The following SEC14L1 variants were observed in gnomAD, a reference collection of about 807,000 sequenced individuals.
SEC14L1 encodes SEC14-like protein 1.
A neutral mutation model predicts 85.3 loss-of-function variants in SEC14L1; 48 were observed. The ratio of observed to expected loss-of-function variants is 0.56; its 90% CI spans 0.45 to 0.72. SEC14L1 has a LOEUF of 0.72. SEC14L1 is among the 30% of genes least tolerant of loss of function. SEC14L1 has a pLI of 0.00. For missense variants in SEC14L1, 682 were observed against 921.4 expected, an observed-to-expected ratio of 0.74 and a Z score of 3.36; for synonymous variants, 391 against 355.5, an observed-to-expected ratio of 1.10 and a Z score of -1.12.
Position 77,121,253 on chromosome 17 carries a change from C to T in SEC14L1, c.-135-21393C>T, listed in dbSNP as rs183951243. 1.7e-4 allele frequency among the ~76,000 whole-genome samples: 26 copies of T among 152,150 alleles called. No individual in the cohort carries two copies. In the East Asian group the frequency reaches 4.8e-3, roughly 28 times the overall value. ...ACTGCCGACAAAGCAAAGACAACAG[C>T]GGGCAGGGAAAAGAGATGTGGAGAA... On this transcript the variant is annotated intron_variant, in intron 3 of 19. Transcript: ENST00000392476.
intron 3 of SEC14L1, among the ~76,000 whole-genome samples, chr17:77,126,538 G>A (rs1255555503): frequency 6.6e-6 from 1 of 152,142 alleles, no homozygotes; most frequent in Non-Finnish European, 1.5e-5. Flanking sequence ...ATAAACTCAG[G>A]TTGCCAGAAT....
intron 9 of SEC14L1, among the ~76,000 whole-genome samples, chr17:77,201,781 A>G (rs1458930450): frequency 6.6e-6 from 1 of 152,114 alleles, no homozygotes; most frequent in African/African-American, 2.4e-5. Context: ...CGTTGGGAGA[A>G]ACTTTCTGTA....
intron 6 of SEC14L1, among the ~76,000 whole-genome samples, chr17:77,194,324 G>A (rs1975691500): frequency 6.6e-6 from 1 of 152,192 alleles, no homozygotes; most frequent in South Asian, 2.1e-4. Flanking sequence ...GGAGGCTGAG[G>A]TGGACAGATT....
chr17:77,127,350 C>T (rs950544599), intron 3 of SEC14L1, among the ~76,000 whole-genome samples: 1 of 124,886 alleles, frequency 8.0e-6, no homozygotes, highest in Non-Finnish European at 1.6e-5. Flanking sequence ...GGTCTGTTTT[C>T]TTTTCTTTTC....
At chr17:77,176,853 C>T (rs988032426) in intron 3 of SEC14L1, among the ~76,000 whole-genome samples, 2 of 152,120 alleles carry the variant, frequency 1.3e-5, no homozygotes, top group Admixed American at 1.3e-4. Flanking sequence ...TCCCAAAGTG[C>T]TGGGATTACA....
At chr17:77,189,651 T>G (rs1975429239) in intron 3 of SEC14L1, among the ~76,000 whole-genome samples, 1 of 152,220 alleles carries the variant, frequency 6.6e-6, no homozygotes, top group Non-Finnish European at 1.5e-5. Flanking sequence ...TGTTTTGAGA[T>G]GGAATCTCAC....
chr17:77,214,367 A>G lies in SEC14L1; in HGVS notation c.*344A>G. 3 of 1,056,428 alleles carry G rather than the reference A, an allele frequency of 2.8e-6. No individual in the cohort carries two copies. The highest frequency in any genetic ancestry group is 9.2e-4 in the Middle Eastern group (2 of 2,174). The allele number at this position is 1,056,428 out of a possible 1,614,324, so 65.4% of individuals were successfully genotyped here. A position where few individuals can be genotyped will look rare whatever the true frequency, so the allele number is the denominator to read the frequency against. On this transcript the variant is annotated 3_prime_UTR_variant, in exon 17 of 17. Transcript: ENST00000436233. ...AAAAAATTTTTCCAACGAACTCCGC[A>G]TTGTCCATTAGTGAATGAATTCCTG...
intron 3 of SEC14L1, among the ~76,000 whole-genome samples, chr17:77,123,746 G>T (rs1273283277): frequency 1.3e-5 from 2 of 152,016 alleles, no homozygotes; most frequent in Non-Finnish European, 2.9e-5. Context: ...TCCCTGGCAG[G>T]GGGGATGTGT....
intron 7 of SEC14L1, among the ~76,000 whole-genome samples, chr17:77,195,660 A>G (rs893678024): frequency 6.6e-6 from 1 of 151,720 alleles, no homozygotes. Flanking sequence ...ACTAATTTTT[A>G]TATTCCTAGT....
chr17:77,176,278 G>A (rs1015043547), intron 3 of SEC14L1, among the ~76,000 whole-genome samples: 7 of 151,878 alleles, frequency 4.6e-5, no homozygotes, highest in East Asian at 1.9e-4. Flanking sequence ...CAATAAGAGC[G>A]AAACTCAGTC....
rs1976973716 is a variant in SEC14L1 at position 77,215,106 on chromosome 17, CGGT to C, written c.*1086_*1088del. On this transcript the variant is annotated 3_prime_UTR_variant, in exon 17 of 17. Transcript: ENST00000436233. ...GCTGTGTGTGTGCATGTGTGCATGA[CGGT>C]GGGGGTGCTGGGGGGACGGGGTGAG... is the stretch of plus-strand genomic sequence containing the variant. 6.1e-6 allele frequency: 6 copies of C among 985,094 alleles called. No homozygotes were observed. Among genetic ancestry groups the C allele is most frequent in the Admixed American group, 6.2e-5 (1 of 16,196 alleles). The allele number at this position is 985,094 out of a possible 1,614,324, so 61.0% of individuals were successfully genotyped here.
intron 3 of SEC14L1, among the ~76,000 whole-genome samples, chr17:77,116,028 C>T (rs538524155): frequency 6.6e-6 from 1 of 152,098 alleles, no homozygotes; most frequent in Admixed American, 6.6e-5. Context: ...AGGCGATCCT[C>T]CTGCCTCAGC....
At chr17:77,190,757 G>GT (rs746823218) in intron 3 of SEC14L1, 46 bp from the exon 4 acceptor site, 1 of 1,606,682 alleles carries the variant, frequency 6.2e-7, no homozygotes, top group Non-Finnish European at 8.5e-7. Flanking sequence ...AGGACATCAG[G>GT]TTGTGTCTTT....
At position 77,216,606 on chromosome 17, in the gene SEC14L1, C is replaced by A. The variant is rs143012389; in HGVS notation, c.*2583C>A. 1 of 1,613,198 alleles carries A rather than the reference C, an allele frequency of 6.2e-7. No homozygotes were observed. The highest frequency in any genetic ancestry group is 2.2e-5 in the East Asian group (1 of 44,886). ...GCTTCACTCAACAGTCCTCATGTGC[C>A]CAGAGATGTTTATAGAACTGTTTGA... is the stretch of plus-strand genomic sequence containing the variant. On this transcript the variant is annotated 3_prime_UTR_variant, in exon 17 of 17. Coordinates refer to ENST00000436233, the MANE Select transcript of SEC14L1 (RefSeq NM_001143998.2).
chr17:77,207,383 A>G (rs1976518962), intron 13 of SEC14L1, among the ~76,000 whole-genome samples: 1 of 151,494 alleles, frequency 6.6e-6, no homozygotes, highest in South Asian at 2.1e-4. Context: ...GGCGTGCACC[A>G]CCATACCCAG....
chr17:77,190,858 A>C lies in SEC14L1; in HGVS notation c.119A>C (p.Asp40Ala). The change falls in exon 4 of 17, where the codon GAC (aspartate) becomes GCC (alanine). Residue 40 changes from aspartate (D) to alanine (A), a missense_variant. Coordinates refer to ENST00000436233, the MANE Select transcript of SEC14L1 (RefSeq NM_001143998.2). ...CPLIPMFVGSDTVNEFKSEDG... is the reference protein window; with the variant it reads ...CPLIPMFVGSATVNEFKSEDG... ...TTGATTCCGATGTTCGTGGGCAGTG[A>C]CACTGTGAATGAATTCAAGAGCGAA... 1.2e-6 allele frequency: 2 copies of C among 1,614,238 alleles called. No homozygotes were observed.
intron 3 of SEC14L1, among the ~76,000 whole-genome samples, chr17:77,122,278 CATTA>C (rs757115559): frequency 4.6e-5 from 7 of 151,534 alleles, no homozygotes; most frequent in Non-Finnish European, 1.0e-4. Context: ...GTGAGATTAT[CATTA>C]ATTTTTATTT....
chr17:77,125,831 C>T (rs544132329), intron 3 of SEC14L1, among the ~76,000 whole-genome samples: 2 of 152,164 alleles, frequency 1.3e-5, no homozygotes, highest in East Asian at 3.9e-4. Flanking sequence ...GAAGGAAGAA[C>T]AAAAAGCCAA....
intron 3 of SEC14L1, among the ~76,000 whole-genome samples, chr17:77,145,321 C>T (rs944897803): frequency 2.0e-5 from 3 of 152,032 alleles, no homozygotes; most frequent in East Asian, 1.9e-4. Flanking sequence ...GAAATGGTCA[C>T]GTGTCAGGTG....
Sources: allele counts gnomAD v4.1 joint callset (sites outside exome capture counted in the v4.1 genomes callset), GRCh38; gene constraint gnomAD v4.1.1; transcripts MANE v1.5; gene names NCBI Gene and HGNC (gene_info 2026-07-23, HGNC 2026-07-21).